The following SORCS2 variants were observed in gnomAD, a reference collection of about 807,000 sequenced individuals.
The protein encoded by SORCS2 is VPS10 domain-containing receptor SorCS2.
A neutral mutation model predicts 141.6 loss-of-function variants in SORCS2; 100 were observed. That is an observed-to-expected ratio of 0.71 (90% CI 0.60 to 0.83). The LOEUF (loss-of-function observed/expected upper bound fraction) is 0.83. Among genes scored for constraint, SORCS2 ranks in the 40% least tolerant of loss-of-function variants. The pLI is 0.00. For synonymous variants in SORCS2, 789 were observed against 676.9 expected, an observed-to-expected ratio of 1.17 and a Z score of -2.57; for missense variants, 1,646 against 1,560.2, an observed-to-expected ratio of 1.05 and a Z score of -0.93.
rs1727500723 is a variant in SORCS2, at chr4:7,201,891, C to T, written c.480+8765C>T. Among the ~76,000 whole-genome samples, 8 of 152,266 alleles carry T rather than the reference C, an allele frequency of 5.3e-5. No homozygotes were observed. The South Asian group carries it at 1.7e-3, about 32-fold the overall frequency. ...TTGGAAGTCCAGGGAGCAGAGATCC[C>T]TGGCTCTGGCCACCGGGAGGGCAAG... On this transcript the variant is annotated intron_variant, in intron 1 of 26. Transcript: ENST00000507866. This position sits in a 1 kb window ranked among gnomAD's most constrained non-coding sequence, Gnocchi z 4.4.
At chr4:7,695,288 ATGGT>A (rs1724527781) in intron 11 of SORCS2, among the ~76,000 whole-genome samples, 5 of 69,476 alleles carry the variant, frequency 7.2e-5, no homozygotes, top group African/African-American at 1.2e-4. Flanking sequence ...GGATGGATGG[ATGGT>A]TGGATGGGTG....
chr4:7,709,920 G>A (rs542099128), intron 14 of SORCS2, among the ~76,000 whole-genome samples: 6 of 152,216 alleles, frequency 3.9e-5, no homozygotes, highest in South Asian at 4.1e-4. Context: ...TTCACCCCTC[G>A]CAGCGTGGCC....
intron 2 of SORCS2, among the ~76,000 whole-genome samples, chr4:7,453,176 C>T (rs1455066719): frequency 2.4e-5 from 3 of 126,508 alleles, no homozygotes; most frequent in South Asian, 2.7e-4. Context: ...TGGGGTCAGG[C>T]TCTGTGTTGG....
At chr4:7,554,077 G>A (rs1418547320) in intron 3 of SORCS2, among the ~76,000 whole-genome samples, 1 of 144,350 alleles carries the variant, frequency 6.9e-6, no homozygotes, top group Admixed American at 7.2e-5. Context: ...TTCATGAAAC[G>A]AGGGAACAAA....
intron 1 of SORCS2, among the ~76,000 whole-genome samples, chr4:7,391,031 G>A (rs1440224152): frequency 6.6e-6 from 1 of 152,110 alleles, no homozygotes; most frequent in Non-Finnish European, 1.5e-5. Flanking sequence ...TTGTGTGGAT[G>A]GACACAAAGA....
intron 1 of SORCS2, chr4:7,382,075 G>A (rs748927892): frequency 9.1e-5 from 66 of 727,362 alleles, no homozygotes; most frequent in Non-Finnish European, 1.1e-4. Context: ...GGCATGAGGG[G>A]CTCCAAGGCC....
chr4:7,613,002 T>G (rs1718519173), intron 3 of SORCS2, among the ~76,000 whole-genome samples: 1 of 150,432 alleles, frequency 6.6e-6, no homozygotes, highest in African/African-American at 2.4e-5. Context: ...TCTCCCCAAC[T>G]GACTGCAAGC....
chr4:7,418,019 C>T (rs886673194), intron 2 of SORCS2, among the ~76,000 whole-genome samples: 2 of 152,130 alleles, frequency 1.3e-5, no homozygotes, highest in Middle Eastern at 3.2e-3. Context: ...TTTATGAAGC[C>T]CTTACCAGGC....
chr4:7,723,367 TC>T (rs1403336779), intron 18 of SORCS2, among the ~76,000 whole-genome samples: 1 of 151,906 alleles, frequency 6.6e-6, no homozygotes, highest in Non-Finnish European at 1.5e-5. Flanking sequence ...CCTCTGTGGG[TC>T]TCCCCCGGGC....
chr4:7,658,388 C>T (rs2108909141), intron 5 of SORCS2, among the ~76,000 whole-genome samples: 1 of 151,950 alleles, frequency 6.6e-6, no homozygotes, highest in Non-Finnish European at 1.5e-5. Flanking sequence ...TGCCCCTCTT[C>T]ACAGATGATG....
intron 1 of SORCS2, among the ~76,000 whole-genome samples, chr4:7,340,582 G>A (rs1720313944): frequency 6.6e-6 from 1 of 152,196 alleles, no homozygotes; most frequent in Non-Finnish European, 1.5e-5. Context: ...CCCTCACTGC[G>A]GGGTCTGAAA....
intron 1 of SORCS2, among the ~76,000 whole-genome samples, chr4:7,212,765 C>A (rs1466289424): frequency 6.6e-6 from 1 of 152,272 alleles, no homozygotes; most frequent in South Asian, 2.1e-4. Flanking sequence ...ACACACCCAA[C>A]CCTGCAGCCA....
intron 3 of SORCS2, among the ~76,000 whole-genome samples, chr4:7,616,263 T>A (rs1407837474): frequency 3.3e-5 from 5 of 152,118 alleles, no homozygotes; most frequent in Non-Finnish European, 7.4e-5. Flanking sequence ...CTCCTCTGAG[T>A]GCCGCTAGCC....
intron 2 of SORCS2, among the ~76,000 whole-genome samples, chr4:7,429,558 C>CAGAAAAGACAGAGGTGTCAT (rs1480726556): frequency 6.6e-6 from 1 of 152,224 alleles, no homozygotes; most frequent in Admixed American, 6.5e-5. Context: ...GCTGGAAGAA[C>CAGAAAAGACAGAGGTGTCAT]AGAAAAGACA....
intron 12 of SORCS2, among the ~76,000 whole-genome samples, chr4:7,700,176 C>A (rs1724970686): frequency 6.6e-6 from 1 of 152,222 alleles, no homozygotes; most frequent in Non-Finnish European, 1.5e-5. Flanking sequence ...TCCCCAAGTT[C>A]CACTTGCCCT....
intron 1 of SORCS2, among the ~76,000 whole-genome samples, chr4:7,223,482 T>G (rs1728830703): frequency 1.3e-5 from 2 of 152,228 alleles, no homozygotes; most frequent in South Asian, 4.1e-4. Context: ...ACATTATAAA[T>G]AATTATGCTG....
At chr4:7,642,998 C>T (rs577814798) in intron 4 of SORCS2, among the ~76,000 whole-genome samples, 4 of 152,348 alleles carry the variant, frequency 2.6e-5, no homozygotes, top group Middle Eastern at 3.4e-3. Context: ...TTGCCCTGCT[C>T]TAAGGATTTG....
rs1471925222 is a variant in SORCS2, at chr4:7,193,806, T to C, written c.480+680T>C. 6.6e-6 allele frequency among the ~76,000 whole-genome samples: 1 copy of C among 152,158 alleles called. No individual in the cohort carries two copies. The highest frequency in any genetic ancestry group is 1.5e-5 in the Non-Finnish European group (1 of 68,014). Reference sequence around the variant, plus strand: ...TGTGGCGCTGGCACAGCAAACTCCCTGCCCTCCCCCCACCTTCCCGGCTAC... The same window carrying C: ...TGTGGCGCTGGCACAGCAAACTCCCCGCCCTCCCCCCACCTTCCCGGCTAC... On this transcript the variant is annotated intron_variant, in intron 1 of 26. Coordinates refer to ENST00000507866, the MANE Select transcript of SORCS2 (RefSeq NM_020777.3). This position sits in a 1 kb window ranked among gnomAD's most constrained non-coding sequence, Gnocchi z 4.8.
At chr4:7,483,186 G>T (rs1730758432) in intron 2 of SORCS2, among the ~76,000 whole-genome samples, 1 of 152,066 alleles carries the variant, frequency 6.6e-6, no homozygotes, top group Non-Finnish European at 1.5e-5. Context: ...AGCCAGGCTT[G>T]GTGGCGGGCA....
Sources: gnomAD v4.1 joint callset for allele counts (sites outside exome capture counted in the v4.1 genomes callset) on GRCh38, gnomAD v4.1.1 for gene constraint, Gnocchi (gnomAD v3.1) non-coding constraint, MANE v1.5 for transcripts, NCBI Gene and HGNC (gene_info 2026-07-23, HGNC 2026-07-21) for gene names.